SMYD3: variants seen among roughly 807,000 people sequenced by gnomAD.
SMYD3 encodes SET and MYND domain containing 3, also known as histone-lysine N-methyltransferase SMYD3.
SMYD3 carries 36 observed loss-of-function variants against 57.7 expected under a neutral mutation model. The ratio of observed to expected loss-of-function variants is 0.62; its 90% CI spans 0.48 to 0.82. The LOEUF (loss-of-function observed/expected upper bound fraction) is 0.82. Among genes scored for constraint, SMYD3 ranks in the 40% least tolerant of loss-of-function variants. SMYD3 has a pLI of 0.00. For synonymous variants in SMYD3, 211 were observed against 195.0 expected (o/e 1.08, Z -0.68); for missense variants, 515 against 538.8 (o/e 0.96, Z 0.44).
At chr1:246,005,077 G>A (rs1371955554) in intron 5 of SMYD3, among the ~76,000 whole-genome samples, 1 of 152,060 alleles carries the variant, frequency 6.6e-6, no homozygotes, top group Non-Finnish European at 1.5e-5. Flanking sequence ...TCAAACTCCT[G>A]CGCTCAGGCC....
intron 7 of SMYD3, among the ~76,000 whole-genome samples, chr1:245,920,116 A>G (rs1004147428): frequency 9.9e-5 from 15 of 152,244 alleles, no homozygotes; most frequent in African/African-American, 2.4e-4. Flanking sequence ...GATTGAGACC[A>G]TCCTGGCTAA....
chr1:246,271,035 T>G (rs1335627277), intron 5 of SMYD3, among the ~76,000 whole-genome samples: 1 of 152,226 alleles, frequency 6.6e-6, no homozygotes, highest in Non-Finnish European at 1.5e-5. Flanking sequence ...GGTATCTCAC[T>G]GTAGTTTTGA....
chr1:245,757,155 C>T (rs146133299), intron 11 of SMYD3, among the ~76,000 whole-genome samples: 2 of 152,192 alleles, frequency 1.3e-5, no homozygotes, highest in African/African-American at 4.8e-5. Context: ...CTCCTCCCTT[C>T]ACACTCTGGT....
intron 5 of SMYD3, among the ~76,000 whole-genome samples, chr1:246,180,758 T>G (rs74774525): frequency 0.22 from 10,748 of 49,712 alleles, 724 homozygotes; most frequent in Admixed American, 0.27. Context: ...AGACTCTGTC[T>G]CAAAAAAAAA....
intron 10 of SMYD3, among the ~76,000 whole-genome samples, chr1:245,827,454 G>A (rs1009370059): frequency 6.6e-6 from 1 of 152,124 alleles, no homozygotes; most frequent in Non-Finnish European, 1.5e-5. Flanking sequence ...TCCGGCCCAC[G>A]TGACCTCTCC....
At chr1:246,356,240 G>C (rs1404992865) in intron 1 of SMYD3, among the ~76,000 whole-genome samples, 1 of 152,246 alleles carries the variant, frequency 6.6e-6, no homozygotes, top group Non-Finnish European at 1.5e-5. Context: ...CCCTGGGGGA[G>C]GAGGGAGAAC....
chr1:246,158,166 T>A (rs1053750738), intron 5 of SMYD3, among the ~76,000 whole-genome samples: 1 of 152,236 alleles, frequency 6.6e-6, no homozygotes, highest in Non-Finnish European at 1.5e-5. Flanking sequence ...TTATCCTGAA[T>A]GCTGCTACTT....
chr1:246,392,628 T>G lies in SMYD3; in HGVS notation c.165-37534A>C, dbSNP rs902399336. On this transcript the variant is annotated intron_variant, in intron 1 of 11. Transcript: ENST00000490107. Reference sequence around the variant, plus strand: ...ACATCCAGCTAATTATTAAATTTTTTGTAGAGATGTGGTCTCACTCTGTTG... The same window carrying G: ...ACATCCAGCTAATTATTAAATTTTTGGTAGAGATGTGGTCTCACTCTGTTG... Among the ~76,000 whole-genome samples, 7 of 152,094 alleles carry G rather than the reference T, an allele frequency of 4.6e-5. No individual in the cohort carries two copies. The South Asian group carries it at 1.0e-3, about 23-fold the overall frequency.
chr1:246,188,681 C>G (rs536928284), intron 5 of SMYD3, among the ~76,000 whole-genome samples: 3 of 152,020 alleles, frequency 2.0e-5, no homozygotes, highest in African/African-American at 7.2e-5. Flanking sequence ...AGGTCTGGGG[C>G]CAGGCGTGGT....
At chr1:246,302,813 A>T (rs966134499) in intron 5 of SMYD3, among the ~76,000 whole-genome samples, 1 of 152,206 alleles carries the variant, frequency 6.6e-6, no homozygotes, top group Non-Finnish European at 1.5e-5. Flanking sequence ...ATGAGTTTAT[A>T]GCAACATACA....
chr1:245,844,096 C>G (rs1558412602), intron 10 of SMYD3, among the ~76,000 whole-genome samples: 1 of 152,166 alleles, frequency 6.6e-6, no homozygotes, highest in African/African-American at 2.4e-5. Context: ...TCCTCCTCCT[C>G]TGGCCAGGAG....
chr1:246,304,746 G>C (rs2064951959), intron 5 of SMYD3, among the ~76,000 whole-genome samples: 1 of 152,116 alleles, frequency 6.6e-6, no homozygotes, highest in Non-Finnish European at 1.5e-5. Context: ...CATTAAGTTT[G>C]AACTTAATGT....
intron 1 of SMYD3, among the ~76,000 whole-genome samples, chr1:246,383,469 C>T (rs1011430147): frequency 6.6e-6 from 1 of 152,126 alleles, no homozygotes; most frequent in Admixed American, 6.5e-5. Context: ...ATTCATATTG[C>T]ACTAAAGGTA....
chr1:246,439,123 ATT>A (rs1377113463), intron 1 of SMYD3, among the ~76,000 whole-genome samples: 4 of 148,098 alleles, frequency 2.7e-5, no homozygotes. Flanking sequence ...GGGGTTCCCA[ATT>A]TTTTATTTTT....
At chr1:246,505,286 T>C (rs2103081474) in intron 1 of SMYD3, among the ~76,000 whole-genome samples, 1 of 118,684 alleles carries the variant, frequency 8.4e-6, no homozygotes, top group South Asian at 2.4e-4. Flanking sequence ...AAATACCGTC[T>C]CAACCTCCCT....
intron 1 of SMYD3, among the ~76,000 whole-genome samples, chr1:246,482,163 C>CA (rs1016644550): frequency 7.3e-5 from 11 of 150,992 alleles, no homozygotes; most frequent in South Asian, 4.2e-4. Flanking sequence ...GTCTCAGAAG[C>CA]AAAAAAAAAT....
intron 11 of SMYD3, among the ~76,000 whole-genome samples, chr1:245,750,946 T>A (rs1348336133): frequency 1.3e-5 from 2 of 152,202 alleles, no homozygotes; most frequent in Non-Finnish European, 2.9e-5. Context: ...CATCAACAGC[T>A]GAAGCCTGCT....
intron 10 of SMYD3, among the ~76,000 whole-genome samples, chr1:245,819,116 T>G (rs1255708038): frequency 2.1e-5 from 3 of 142,976 alleles, no homozygotes; most frequent in Non-Finnish European, 3.0e-5. Context: ...ACACCACACC[T>G]ATTCCAAAAT....
At chr1:246,384,639 T>C (rs866645192) in intron 1 of SMYD3, among the ~76,000 whole-genome samples, 10 of 152,166 alleles carry the variant, frequency 6.6e-5, no homozygotes, top group East Asian at 1.9e-4. Flanking sequence ...TCAAGTGATC[T>C]GCCCGCCTCG....
Sources: allele counts gnomAD v4.1 joint callset (sites outside exome capture counted in the v4.1 genomes callset), GRCh38; gene constraint gnomAD v4.1.1; transcripts MANE v1.5; gene names NCBI Gene and HGNC (gene_info 2026-07-23, HGNC 2026-07-21).